Variants in ENOX1 observed in about 807,000 individuals in gnomAD.
ENOX1 encodes candidate growth-related and time keeping constitutive hydroquinone (NADH) oxidase.
ENOX1 carries 42 observed loss-of-function variants against 82.5 expected under a neutral mutation model. The ratio of observed to expected loss-of-function variants is 0.51; its 90% confidence interval spans 0.40 to 0.66. The LOEUF is 0.66. Among genes scored for constraint, ENOX1 ranks in the 30% least tolerant of loss-of-function variants. The pLI is 0.00. For missense variants in ENOX1, 608 were observed against 811.6 expected, an observed-to-expected ratio of 0.75 and a Z score of 3.05; for synonymous variants, 271 against 282.2, an observed-to-expected ratio of 0.96 and a Z score of 0.40.
At chr13:43,653,900 T>C (rs551361041) in intron 2 of ENOX1, among the ~76,000 whole-genome samples, 2 of 152,248 alleles carry the variant, frequency 1.3e-5, no homozygotes, top group South Asian at 2.1e-4. Context: ...AATGCCACCA[T>C]TGAACCACTA....
intron 12 of ENOX1, among the ~76,000 whole-genome samples, chr13:43,279,385 C>T (rs1376497991): frequency 1.3e-5 from 2 of 152,142 alleles, no homozygotes; most frequent in Non-Finnish European, 2.9e-5. Context: ...CTCCTCTTTT[C>T]CCCAAGCCTT....
chr13:43,585,140 G>A (rs1193830875), intron 2 of ENOX1, among the ~76,000 whole-genome samples: 1 of 152,180 alleles, frequency 6.6e-6, no homozygotes, highest in African/African-American at 2.4e-5. Context: ...CTATAAAGAG[G>A]GAGGCAGAAA....
intron 11 of ENOX1, among the ~76,000 whole-genome samples, chr13:43,317,125 G>A (rs1444228519): frequency 6.6e-6 from 1 of 152,212 alleles, no homozygotes; most frequent in Non-Finnish European, 1.5e-5. Flanking sequence ...GGCGCCCGGA[G>A]CTCAGATCCT....
chr13:43,321,669 A>G (rs1400377474), intron 11 of ENOX1, among the ~76,000 whole-genome samples: 1 of 152,232 alleles, frequency 6.6e-6, no homozygotes, highest in African/African-American at 2.4e-5. Context: ...TTTTTTGGGA[A>G]TGATGGCAAT....
At chr13:43,246,736 A>G (rs769156563) in intron 14 of ENOX1, among the ~76,000 whole-genome samples, 2 of 152,192 alleles carry the variant, frequency 1.3e-5, no homozygotes, top group African/African-American at 2.4e-5. Flanking sequence ...GTTGGGCCAC[A>G]TGCAGGATTG....
chr13:43,292,777 C>T (rs1404990239), intron 12 of ENOX1, among the ~76,000 whole-genome samples: 1 of 151,758 alleles, frequency 6.6e-6, no homozygotes, highest in African/African-American at 2.4e-5. Flanking sequence ...CACTATGGCC[C>T]CTTCACCACC....
intron 2 of ENOX1, among the ~76,000 whole-genome samples, chr13:43,582,245 T>TA (rs201310859): frequency 2.6e-5 from 4 of 151,918 alleles, no homozygotes; most frequent in Admixed American, 2.0e-4. Context: ...AAATAACTTT[T>TA]AAAAAAAATC....
intron 2 of ENOX1, among the ~76,000 whole-genome samples, chr13:43,594,358 A>T (rs1421991278): frequency 6.6e-6 from 1 of 152,258 alleles, no homozygotes; most frequent in East Asian, 1.9e-4. Context: ...ACAATTCCTC[A>T]AAATAGTATC....
At chr13:43,612,944 G>A (rs2153739526) in intron 2 of ENOX1, among the ~76,000 whole-genome samples, 1 of 152,168 alleles carries the variant, frequency 6.6e-6, no homozygotes, top group Admixed American at 6.5e-5. Context: ...ATATTTCTGA[G>A]TAATAAAAAT....
At chr13:43,779,183 TA>T (rs57388902) in intron 1 of ENOX1, among the ~76,000 whole-genome samples, 7,408 of 118,062 alleles carry the variant, frequency 0.063, 169 homozygotes, top group East Asian at 0.088. Flanking sequence ...CCTCGTTATT[TA>T]AAAAAAAAAA....
At chr13:43,446,187 G>A (rs1191475697) in intron 3 of ENOX1, among the ~76,000 whole-genome samples, 1 of 150,194 alleles carries the variant, frequency 6.7e-6, no homozygotes, top group Non-Finnish European at 1.5e-5. Flanking sequence ...TTTTCATTAA[G>A]TGCCAAGACA....
chr13:43,559,653 A>G (rs1430409413), intron 2 of ENOX1, among the ~76,000 whole-genome samples: 1 of 152,250 alleles, frequency 6.6e-6, no homozygotes, highest in Non-Finnish European at 1.5e-5. Context: ...TGCAGAGAAT[A>G]TATCAACTCA....
rs1356280145 is a variant in ENOX1 at position 43,354,864 on chromosome 13, G to GA, written c.823+1054dup. ...CCTTTATGCCTCTTTTTATCCTGGG[G>GA]AAAAAAATCTTATTTATTCTGCAAA... On this transcript the variant is annotated intron_variant, in intron 8 of 16. Transcript: ENST00000690772. Among the ~76,000 whole-genome samples the GA allele has an allele frequency of 3.1e-4, 47 of 152,154 alleles. 1 individual carries two copies. The highest frequency in any genetic ancestry group is 2.0e-4 in the Admixed American group (3 of 15,290).
chr13:43,704,482 A>G (rs1383202694), intron 1 of ENOX1, among the ~76,000 whole-genome samples: 1 of 152,104 alleles, frequency 6.6e-6, no homozygotes. Flanking sequence ...AAAACAACAC[A>G]CTGGGTAAGA....
intron 2 of ENOX1, among the ~76,000 whole-genome samples, chr13:43,524,474 G>A (rs955451468): frequency 1.3e-5 from 2 of 152,010 alleles, no homozygotes; most frequent in East Asian, 1.9e-4. Flanking sequence ...CCACATGTAT[G>A]AAACAAGGCC....
At chr13:43,302,092 C>A (rs2046609313) in intron 11 of ENOX1, among the ~76,000 whole-genome samples, 1 of 125,654 alleles carries the variant, frequency 8.0e-6, no homozygotes, top group Non-Finnish European at 1.6e-5. Context: ...AATCCACTAT[C>A]CAAATAAGTA....
rs1555317884 is a variant in ENOX1, at chr13:43,541,171, C to CTTTTTTTTTTTTTT, written c.-218-57020_-218-57019insAAAAAAAAAAAAAA. Reference sequence around the variant, plus strand: ...CTCTCCAACCTTACACTTCTTCCCTCTGTTTTTTTTTTTTTTTTTTTTTTT... The same window carrying CTTTTTTTTTTTTTT: ...CTCTCCAACCTTACACTTCTTCCCTCTTTTTTTTTTTTTTTGTTTTTTTTTTTTTTTTTTTTTTT... On this transcript the variant is annotated intron_variant, in intron 2 of 16. Coordinates refer to ENST00000690772, the MANE Select transcript of ENOX1 (RefSeq NM_001347969.2). Among the ~76,000 whole-genome samples, 137 of 38,650 alleles carry CTTTTTTTTTTTTTT rather than the reference C, an allele frequency of 3.5e-3. 1 individual carries two copies. The highest frequency in any genetic ancestry group is 0.014 in the South Asian group (6 of 442). 25.4% of individuals were successfully genotyped at this position (38,650 alleles called of 152,430 possible).
intron 14 of ENOX1, among the ~76,000 whole-genome samples, chr13:43,263,767 G>T (rs7995474): frequency 0.011 from 1,665 of 152,316 alleles, 33 homozygotes; most frequent in African/African-American, 0.038. Context: ...CTGCCACTTT[G>T]TCTGGCTTAT....
At chr13:43,772,211 G>GTA (rs1425502012) in intron 1 of ENOX1, among the ~76,000 whole-genome samples, 1 of 152,084 alleles carries the variant, frequency 6.6e-6, no homozygotes, top group Non-Finnish European at 1.5e-5. Context: ...GGTATTTCAT[G>GTA]ATACTGGCAT....
Sources: allele counts gnomAD v4.1 joint callset (sites outside exome capture counted in the v4.1 genomes callset), GRCh38; gene constraint gnomAD v4.1.1; transcripts MANE v1.5; gene names NCBI Gene and HGNC (gene_info 2026-07-23, HGNC 2026-07-21).